The following THADA variants were observed in gnomAD, a reference collection of about 807,000 sequenced individuals.
The protein encoded by THADA is tRNA (32-2'-O)-methyltransferase regulator THADA.
A neutral mutation model predicts 219.8 loss-of-function variants in THADA; 213 were observed. The ratio of observed to expected loss-of-function variants is 0.97; its 90% CI spans 0.87 to 1.09. The LOEUF is 1.09. THADA is among the 50% of genes least tolerant of loss of function. THADA has a pLI of 0.00. For synonymous variants in THADA, 1,018 were observed against 828.9 expected (o/e 1.23, Z -3.92); for missense variants, 2,956 against 2,311.3 (o/e 1.28, Z -5.72).
chr2:43,330,674 G>A (rs1679860366), intron 30 of THADA, among the ~76,000 whole-genome samples: 1 of 152,226 alleles, frequency 6.6e-6, no homozygotes, highest in South Asian at 2.1e-4. Context: ...GGGACAGCCA[G>A]CCAGCTGAGA....
intron 29 of THADA, among the ~76,000 whole-genome samples, chr2:43,358,294 C>T (rs1044740844): frequency 2.0e-5 from 3 of 152,120 alleles, no homozygotes; most frequent in East Asian, 1.9e-4. Context: ...AATTCACATA[C>T]TAATTATTGG....
chr2:43,514,767 T>TATATATTTTATATATAATAATATGTAC (rs1691092326), intron 22 of THADA, among the ~76,000 whole-genome samples: 3 of 90,460 alleles, frequency 3.3e-5, no homozygotes, highest in African/African-American at 9.7e-5. Context: ...ATAATATGTA[T>TATATATTTTATATATAATAATATGTAC]AATATATATT....
chr2:43,304,985 C>G (rs1252306402), intron 31 of THADA, among the ~76,000 whole-genome samples: 1 of 152,102 alleles, frequency 6.6e-6, no homozygotes, highest in Non-Finnish European at 1.5e-5. Context: ...ACTTCACTTT[C>G]AATGCATAGG....
chr2:43,593,046 T>G (rs1701749269), intron 1 of THADA, among the ~76,000 whole-genome samples: 1 of 152,212 alleles, frequency 6.6e-6, no homozygotes, highest in Non-Finnish European at 1.5e-5. Flanking sequence ...GGAAAGAAGT[T>G]GCTAGGGAAA....
At chr2:43,335,161 T>A (rs1207993466) in intron 30 of THADA, among the ~76,000 whole-genome samples, 2 of 152,150 alleles carry the variant, frequency 1.3e-5, no homozygotes, top group Admixed American at 1.3e-4. Context: ...AGAGTCTTCA[T>A]TCTAATAAGA....
chr2:43,445,310 T>G (rs1457924309), intron 26 of THADA, among the ~76,000 whole-genome samples: 1 of 152,250 alleles, frequency 6.6e-6, no homozygotes, highest in Non-Finnish European at 1.5e-5. Context: ...AATCTCAGTT[T>G]GAAATCCCAT....
intron 36 of THADA, among the ~76,000 whole-genome samples, chr2:43,252,430 A>T (rs923980248): frequency 6.6e-6 from 1 of 152,170 alleles, no homozygotes; most frequent in Non-Finnish European, 1.5e-5. Context: ...TATTAATTAT[A>T]ATGACCTTTT....
chr2:43,567,356 G>A (rs1251275698), intron 14 of THADA, among the ~76,000 whole-genome samples: 2 of 152,146 alleles, frequency 1.3e-5, no homozygotes, highest in Non-Finnish European at 2.9e-5. Context: ...AGGGCCAGGC[G>A]TGGTGGCTCA....
chr2:43,246,595 T>C (rs942732824), intron 36 of THADA, among the ~76,000 whole-genome samples: 3 of 152,172 alleles, frequency 2.0e-5, no homozygotes, highest in African/African-American at 7.2e-5. Flanking sequence ...CAGCTCTAAA[T>C]AGAACAAATA....
intron 16 of THADA, 127 bp from the exon 17 acceptor site, chr2:43,556,682 C>T: frequency 2.4e-6 from 2 of 819,196 alleles, no homozygotes; most frequent in Non-Finnish European, 3.7e-6. Context: ...CCCAGCTACT[C>T]AAGAGGCTGA....
intron 30 of THADA, among the ~76,000 whole-genome samples, chr2:43,321,924 C>A (rs781733407): frequency 2.0e-5 from 3 of 152,190 alleles, no homozygotes; most frequent in African/African-American, 7.2e-5. Context: ...TGAAATCCAT[C>A]CTTCTCATTT....
chr2:43,422,221 G>A (rs1372544450), intron 28 of THADA, among the ~76,000 whole-genome samples: 2 of 152,164 alleles, frequency 1.3e-5, no homozygotes, highest in Non-Finnish European at 2.9e-5. Flanking sequence ...ATTAAAAGCT[G>A]AAATCTATCT....
chr2:43,499,512 G>A (rs955925860), intron 24 of THADA, among the ~76,000 whole-genome samples: 5 of 152,048 alleles, frequency 3.3e-5, no homozygotes, highest in Admixed American at 6.6e-5. Context: ...GAGTAGCTGC[G>A]ATTACAGATA....
chr2:43,408,233 C>T (rs1035839000), intron 28 of THADA: 6 of 152,186 alleles, frequency 3.9e-5, no homozygotes, highest in African/African-American at 1.4e-4. Flanking sequence ...GGCAGTGTCC[C>T]CTGGTATCCT....
intron 26 of THADA, chr2:43,463,210 C>A (rs1683840667): frequency 6.6e-6 from 1 of 152,112 alleles, no homozygotes; most frequent in South Asian, 2.1e-4. Context: ...AGACTTGGTT[C>A]CCTTAAGATG....
chr2:43,246,160 C>T (rs1369656265), intron 36 of THADA, among the ~76,000 whole-genome samples: 1 of 151,988 alleles, frequency 6.6e-6, no homozygotes, highest in African/African-American at 2.4e-5. Context: ...TATCCAGAAT[C>T]CAGAAAGTTC....
Position 43,501,201 on chromosome 2 carries a change from G to A in THADA, c.3622-2246C>T, listed in dbSNP as rs181758079. ...CACGCCTGTAATCCCGGCTACTCAG[G>A]AGGCTGAGGCAGGAGGATTGCTTGA... On this transcript the variant is annotated intron_variant, in intron 24 of 37. Coordinates refer to ENST00000405975, the MANE Select transcript of THADA (RefSeq NM_022065.5). Among the ~76,000 whole-genome samples the A allele has an allele frequency of 1.6e-3, 246 of 150,504 alleles. 3 individuals carry two copies. Among genetic ancestry groups the A allele is most frequent in the Admixed American group, 0.012 (185 of 15,036 alleles).
intron 36 of THADA, among the ~76,000 whole-genome samples, chr2:43,239,449 C>T (rs1668394837): frequency 6.6e-6 from 1 of 152,204 alleles, no homozygotes; most frequent in African/African-American, 2.4e-5. Context: ...CCTCTGATTC[C>T]CCCCACTAGG....
chr2:43,466,771 C>T (rs370542678), intron 26 of THADA, among the ~76,000 whole-genome samples: 3 of 152,170 alleles, frequency 2.0e-5, no homozygotes, highest in African/African-American at 7.2e-5. Context: ...CATGAGGCAA[C>T]TGAGGCAGAA....
Sources: allele counts gnomAD v4.1 joint callset (sites outside exome capture counted in the v4.1 genomes callset), GRCh38; gene constraint gnomAD v4.1.1; transcripts MANE v1.5; gene names NCBI Gene and HGNC (gene_info 2026-07-23, HGNC 2026-07-21).